DENND1B: variants seen among roughly 807,000 people sequenced by gnomAD.
The protein encoded by DENND1B is DENN domain containing 1B.
In DENND1B, 59 loss-of-function variants were observed where a neutral mutation model predicts 90.1. That is an observed-to-expected ratio of 0.65 (90% CI 0.53 to 0.81). The LOEUF (loss-of-function observed/expected upper bound fraction) is 0.81, where lower values mean the gene tolerates loss of function less well. Among genes scored for constraint, DENND1B ranks in the 40% least tolerant of loss-of-function variants. The probability of loss-of-function intolerance (pLI) is 0.00; values close to 1 mark genes in which losing one functional copy is unlikely to be tolerated. For synonymous variants in DENND1B, 337 were observed against 324.6 expected (o/e 1.04, Z -0.41); for missense variants, 862 against 912.6 (o/e 0.94, Z 0.71).
chr1:197,544,983 GGGAAGAA>G (rs112933169), intron 18 of DENND1B, among the ~76,000 whole-genome samples: 4 of 50,418 alleles, frequency 7.9e-5, no homozygotes, highest in African/African-American at 2.6e-4. Context: ...AAGGAGGAAG[GGGAAGAA>G]GGAAGAAGGA....
chr1:197,773,948 TA>T (rs35193676), intron 1 of DENND1B, among the ~76,000 whole-genome samples: 9 of 152,104 alleles, frequency 5.9e-5, no homozygotes, highest in African/African-American at 2.2e-4. Context: ...GCTCTGACTT[TA>T]AAAAAAAGCA....
At chr1:197,584,861 A>G (rs1390773164) in intron 14 of DENND1B, among the ~76,000 whole-genome samples, 1 of 152,050 alleles carries the variant, frequency 6.6e-6, no homozygotes, top group African/African-American at 2.4e-5. Context: ...TCTGTAGAGA[A>G]AGGGTTTCGC....
At chr1:197,732,051 G>A (rs1440046320) in intron 2 of DENND1B, among the ~76,000 whole-genome samples, 1 of 152,170 alleles carries the variant, frequency 6.6e-6, no homozygotes, top group Non-Finnish European at 1.5e-5. Context: ...TTTGACCATA[G>A]TGAACAGAGG....
intron 10 of DENND1B, among the ~76,000 whole-genome samples, chr1:197,641,541 A>G (rs965749023): frequency 5.1e-4 from 77 of 152,266 alleles, no homozygotes; most frequent in African/African-American, 1.6e-3. Flanking sequence ...TGCATTTTCA[A>G]CTTTTAGGAG....
At chr1:197,570,884 G>T (rs557819105) in intron 15 of DENND1B, among the ~76,000 whole-genome samples, 79 of 152,244 alleles carry the variant, frequency 5.2e-4, no homozygotes, top group Non-Finnish European at 9.1e-4. Flanking sequence ...CAAGAAACTG[G>T]ATATATAGAA....
At chr1:197,636,447 T>C (rs1679802794) in intron 10 of DENND1B, among the ~76,000 whole-genome samples, 1 of 152,160 alleles carries the variant, frequency 6.6e-6, no homozygotes, top group South Asian at 2.1e-4. Context: ...CAAAATTGCA[T>C]AAAGGTTGTA....
At chr1:197,731,618 G>A (rs149207775) in intron 2 of DENND1B, among the ~76,000 whole-genome samples, 2 of 152,232 alleles carry the variant, frequency 1.3e-5, no homozygotes, top group African/African-American at 2.4e-5. Flanking sequence ...CACCAGGGGC[G>A]TCCAATCTTT....
chr1:197,748,115 T>A (rs1448249319), intron 2 of DENND1B, among the ~76,000 whole-genome samples: 2 of 152,124 alleles, frequency 1.3e-5, no homozygotes, highest in Non-Finnish European at 2.9e-5. Context: ...AAGATCTAAT[T>A]GGTCCATCAA....
chr1:197,658,403 A>C (rs1654064530), intron 5 of DENND1B, 34 bp from the exon 6 acceptor site: 1 of 1,350,640 alleles, frequency 7.4e-7, no homozygotes, highest in East Asian at 2.3e-5. Flanking sequence ...GTATATACAT[A>C]AAATTCAGAA....
intron 15 of DENND1B, among the ~76,000 whole-genome samples, chr1:197,566,337 G>C (rs1015698351): frequency 6.6e-6 from 1 of 151,826 alleles, no homozygotes; most frequent in African/African-American, 2.4e-5. Context: ...TGATGGGGTT[G>C]TTTGTTTTTT....
At chr1:197,671,054 C>T (rs1054445202) in intron 5 of DENND1B, among the ~76,000 whole-genome samples, 1 of 152,066 alleles carries the variant, frequency 6.6e-6, no homozygotes, top group Admixed American at 6.6e-5. Context: ...AAATTAACAA[C>T]CTCTCAATGA....
intron 15 of DENND1B, among the ~76,000 whole-genome samples, chr1:197,573,602 G>C (rs948617278): frequency 6.6e-6 from 1 of 152,142 alleles, no homozygotes; most frequent in South Asian, 2.1e-4. Context: ...CTCATTTTAT[G>C]AGGCCAGTAT....
intron 1 of DENND1B, 128 bp from the exon 2 acceptor site, chr1:197,773,060 T>TCAC: frequency 1.4e-5 from 11 of 775,362 alleles, no homozygotes; most frequent in Non-Finnish European, 2.2e-5. Context: ...ATTACTACAG[T>TCAC]ATAGTAGAAA....
chr1:197,748,607 C>G (rs910653179), intron 2 of DENND1B, among the ~76,000 whole-genome samples: 1 of 152,076 alleles, frequency 6.6e-6, no homozygotes, highest in Non-Finnish European at 1.5e-5. Flanking sequence ...AAAGACTCAT[C>G]GGCTATTGTG....
intron 20 of DENND1B, among the ~76,000 whole-genome samples, chr1:197,539,205 T>C (rs1571792170): frequency 6.6e-6 from 1 of 152,308 alleles, no homozygotes; most frequent in South Asian, 2.1e-4. Context: ...ATGAGACTTA[T>C]GGCAAGTGTT....
At chr1:197,520,854 A>C (rs1270227761) in intron 20 of DENND1B, among the ~76,000 whole-genome samples, 3 of 151,966 alleles carry the variant, frequency 2.0e-5, no homozygotes, top group Non-Finnish European at 4.4e-5. Flanking sequence ...TGCTCCCCTG[A>C]AAATGTAAAA....
At chr1:197,577,386 C>T (rs900638553) in intron 15 of DENND1B, among the ~76,000 whole-genome samples, 16 of 152,056 alleles carry the variant, frequency 1.1e-4, no homozygotes, top group African/African-American at 3.1e-4. Context: ...AGCCACCCCC[C>T]ATACTCTTTA....
At chr1:197,704,670 G>C (rs1180910328) in intron 3 of DENND1B, among the ~76,000 whole-genome samples, 4 of 152,142 alleles carry the variant, frequency 2.6e-5, no homozygotes, top group Non-Finnish European at 5.9e-5. Flanking sequence ...TAATAAACCA[G>C]TGCCTACGGG....
At chr1:197,617,842 C>T (rs1677798143) in intron 10 of DENND1B, 83 bp from the exon 11 acceptor site, 14 of 871,930 alleles carry the variant, frequency 1.6e-5, no homozygotes, top group Non-Finnish European at 1.9e-5. Context: ...CAACAATGAA[C>T]AGTAATCACA....
Sources: gnomAD v4.1 joint callset for allele counts (sites outside exome capture counted in the v4.1 genomes callset) on GRCh38, gnomAD v4.1.1 for gene constraint, MANE v1.5 for transcripts, NCBI Gene and HGNC (gene_info 2026-07-23, HGNC 2026-07-21) for gene names.